The following ROCK1 variants were observed in gnomAD, a reference collection of about 807,000 sequenced individuals.
ROCK1 encodes the protein rho-associated protein kinase 1.
In ROCK1, 36 loss-of-function variants were observed where a neutral mutation model predicts 196.8. The ratio of observed to expected loss-of-function variants is 0.18; its 90% CI spans 0.14 to 0.24. The LOEUF (loss-of-function observed/expected upper bound fraction) is 0.24, where lower values mean the gene tolerates loss of function less well. ROCK1 is among the 10% of genes least tolerant of loss of function. ROCK1 has a pLI of 1.00. For synonymous variants in ROCK1, 443 were observed against 515.9 expected (o/e 0.86, Z 1.91); for missense variants, 920 against 1,562.0 (o/e 0.59, Z 6.93).
At chr18:20,998,212 G>A (rs2035689836) in intron 16 of ROCK1, among the ~76,000 whole-genome samples, 1 of 152,062 alleles carries the variant, frequency 6.6e-6, no homozygotes, top group Non-Finnish European at 1.5e-5. Flanking sequence ...GCGGATTGAT[G>A]AAGAAATTAA....
rs1448638029 is a variant in ROCK1, at chr18:20,949,565, G to A, written c.*1819C>T. The A allele has an allele frequency of 1.3e-5, 2 of 152,202 alleles. No homozygotes were observed. The highest frequency in any genetic ancestry group is 2.4e-5 in the African/African-American group (1 of 41,450). 9.4% of individuals were successfully genotyped at this position (152,202 alleles called of 1,614,324 possible). A position where few individuals can be genotyped will look rare whatever the true frequency, so the allele number is the denominator to read the frequency against. ...CACAAGGGAGAACTCTATCTTCCAA[G>A]GCTGTTTACTACATAAATATCCTTG... On this transcript the variant is annotated 3_prime_UTR_variant, in exon 33 of 33. Coordinates refer to ENST00000399799, the MANE Select transcript of ROCK1 (RefSeq NM_005406.3).
chr18:21,108,871 C>G (rs2036725535), intron 1 of ROCK1, among the ~76,000 whole-genome samples: 1 of 152,180 alleles, frequency 6.6e-6, no homozygotes, highest in Non-Finnish European at 1.5e-5. Context: ...TTAATAGCCA[C>G]AACAGTGTAA....
rs562251851 is a variant in ROCK1 at position 20,976,347 on chromosome 18, T to C, written c.2654+3563A>G. Among the ~76,000 whole-genome samples the C allele has an allele frequency of 5.3e-5, 8 of 152,324 alleles. No individual in the cohort carries two copies. The East Asian group carries it at 1.4e-3, about 26-fold the overall frequency. Reference sequence around the variant, plus strand: ...CTTGTTCACACAGGTATATTTCAAATGCCTAGAAAATTGTCTGGAGGGATC... The same window carrying C: ...CTTGTTCACACAGGTATATTTCAAACGCCTAGAAAATTGTCTGGAGGGATC... On this transcript the variant is annotated intron_variant, in intron 22 of 32. Coordinates refer to ENST00000399799, the MANE Select transcript of ROCK1 (RefSeq NM_005406.3).
At chr18:20,989,373 G>A (rs1324404086) in intron 18 of ROCK1, among the ~76,000 whole-genome samples, 1 of 152,194 alleles carries the variant, frequency 6.6e-6, no homozygotes, top group Non-Finnish European at 1.5e-5. Flanking sequence ...AAGAATAAGA[G>A]CAGGTTTGAT....
chr18:20,985,307 A>T (rs2035568571), intron 19 of ROCK1, among the ~76,000 whole-genome samples: 1 of 152,148 alleles, frequency 6.6e-6, no homozygotes, highest in Non-Finnish European at 1.5e-5. Flanking sequence ...GGCCTTCATG[A>T]TCTGTTCTAA....
At chr18:21,000,191 A>T (rs1210421613) in intron 16 of ROCK1, among the ~76,000 whole-genome samples, 1 of 152,224 alleles carries the variant, frequency 6.6e-6, no homozygotes, top group African/African-American at 2.4e-5. Context: ...CATAAGGACA[A>T]ACACACAGAC....
Position 20,959,064 on chromosome 18 carries a change from TTA to T in ROCK1, c.3512+774_3512+775del, listed in dbSNP as rs1354108447. Reference sequence around the variant, plus strand: ...TAATATATAATATATATATTATATTTTATATTATATAATATATATATTTTATA... The same window carrying T: ...TAATATATAATATATATATTATATTTTATTATATAATATATATATTTTATA... On this transcript the variant is annotated intron_variant, in intron 29 of 32. Coordinates refer to ENST00000399799, the MANE Select transcript of ROCK1 (RefSeq NM_005406.3). Among the ~76,000 whole-genome samples, 26 of 45,890 alleles carry T rather than the reference TTA, an allele frequency of 5.7e-4. 1 individual carries two copies. The highest frequency in any genetic ancestry group is 7.0e-4 in the Non-Finnish European group (22 of 31,232). 30.1% of individuals were successfully genotyped at this position (45,890 alleles called of 152,430 possible).
At chr18:20,991,468 A>T in intron 17 of ROCK1, 142 bp from the exon 18 acceptor site, 1 of 607,076 alleles carries the variant, frequency 1.6e-6, no homozygotes, top group Non-Finnish European at 2.7e-6. Flanking sequence ...AGCAAAAGAT[A>T]ATCTTTTCTT....
intron 1 of ROCK1, among the ~76,000 whole-genome samples, chr18:21,099,242 G>A (rs1387039887): frequency 2.0e-5 from 3 of 152,030 alleles, no homozygotes; most frequent in Non-Finnish European, 1.5e-5. Context: ...GCTACTTTTT[G>A]CGTAAGAAAG....
At position 21,032,499 on chromosome 18, in the gene ROCK1, T is replaced by C. The variant is rs146834015; in HGVS notation, c.1052-3564A>G. On this transcript the variant is annotated intron_variant, in intron 9 of 32. Transcript: ENST00000399799. ...GGAAATATATGACATAGAAAACAAA[T>C]AGGAAAGTTTTTTTTTTTTTTTTTT... Among the ~76,000 whole-genome samples, 1,079 of 146,276 alleles carry C rather than the reference T, an allele frequency of 7.4e-3. 15 individuals carry two copies. The highest frequency in any genetic ancestry group is 0.026 in the African/African-American group (1,012 of 39,432).
intron 22 of ROCK1, among the ~76,000 whole-genome samples, chr18:20,976,495 TGTG>T (rs1418819053): frequency 6.6e-6 from 1 of 152,210 alleles, no homozygotes; most frequent in African/African-American, 2.4e-5. Flanking sequence ...AGTGTTATCA[TGTG>T]GTAACAAATG....
chr18:21,025,818 TA>T (rs2035950992), intron 10 of ROCK1, among the ~76,000 whole-genome samples: 1 of 152,180 alleles, frequency 6.6e-6, no homozygotes, highest in South Asian at 2.1e-4. Context: ...AGTGATTACT[TA>T]AAAAATACTA....
At chr18:21,042,812 C>T (rs1306069063) in intron 6 of ROCK1, 103 bp from the exon 7 acceptor site, 1 of 1,127,962 alleles carries the variant, frequency 8.9e-7, no homozygotes. Flanking sequence ...AATCTTTGAG[C>T]TATAAAATAT....
intron 3 of ROCK1, among the ~76,000 whole-genome samples, chr18:21,049,434 A>T (rs1185553080): frequency 1.3e-5 from 2 of 152,200 alleles, no homozygotes; most frequent in East Asian, 1.9e-4. Flanking sequence ...TTTTAAAAAA[A>T]TTTTTATTTC....
intron 31 of ROCK1, among the ~76,000 whole-genome samples, chr18:20,954,498 C>A (rs1404979782): frequency 2.6e-5 from 4 of 152,018 alleles, no homozygotes; most frequent in Non-Finnish European, 5.9e-5. Context: ...ATCACTTGAA[C>A]CTGGGAGGCA....
At chr18:21,066,454 G>A (rs1412320998) in intron 2 of ROCK1, among the ~76,000 whole-genome samples, 1 of 152,062 alleles carries the variant, frequency 6.6e-6, no homozygotes, top group African/African-American at 2.4e-5. Context: ...GTTTTTTAAG[G>A]TTGAGTTTGT....
chr18:20,954,533 G>A (rs1295562952), intron 31 of ROCK1, among the ~76,000 whole-genome samples: 10 of 152,194 alleles, frequency 6.6e-5, no homozygotes, highest in Non-Finnish European at 5.9e-5. Flanking sequence ...CTGAGATCAC[G>A]CCACTGCACT....
chr18:21,083,066 A>G (rs968046888), intron 1 of ROCK1, among the ~76,000 whole-genome samples: 3 of 152,336 alleles, frequency 2.0e-5, no homozygotes, highest in Admixed American at 2.0e-4. Flanking sequence ...TAATCCAAAC[A>G]GAAACTTAAG....
intron 2 of ROCK1, among the ~76,000 whole-genome samples, chr18:21,061,353 T>A (rs1461666850): frequency 1.3e-5 from 2 of 152,192 alleles, no homozygotes; most frequent in Non-Finnish European, 2.9e-5. Context: ...GTGCTGGGCT[T>A]ACAGGCAAGA....
Sources: gnomAD v4.1 joint callset for allele counts (sites outside exome capture counted in the v4.1 genomes callset) on GRCh38, gnomAD v4.1.1 for gene constraint, MANE v1.5 for transcripts, NCBI Gene and HGNC (gene_info 2026-07-23, HGNC 2026-07-21) for gene names.